The following NCBP3 variants were observed in gnomAD, a reference collection of about 807,000 sequenced individuals.
NCBP3 encodes the protein nuclear cap-binding protein subunit 3.
NCBP3 carries 20 observed loss-of-function variants against 75.7 expected under a neutral mutation model. The ratio of observed to expected loss-of-function variants is 0.26; its 90% confidence interval spans 0.19 to 0.38. NCBP3 has a LOEUF of 0.38. Among genes scored for constraint, NCBP3 ranks in the 10% least tolerant of loss-of-function variants. The pLI, the probability that NCBP3 is intolerant of heterozygous loss-of-function variation, is 1.00. For missense variants in NCBP3, 678 were observed against 796.9 expected (o/e 0.85, Z 1.80); for synonymous variants, 293 against 290.5 (o/e 1.01, Z -0.09).
intron 1 of NCBP3, among the ~76,000 whole-genome samples, chr17:3,844,516 A>T (rs1426639016): frequency 6.6e-6 from 1 of 152,198 alleles, no homozygotes; most frequent in Non-Finnish European, 1.5e-5. Flanking sequence ...AGCTTGATCA[A>T]GCACCTAGGG....
At chr17:3,833,594 C>T (rs554470292) in intron 3 of NCBP3, among the ~76,000 whole-genome samples, 19 of 151,940 alleles carry the variant, frequency 1.3e-4, no homozygotes, top group South Asian at 4.2e-4. Context: ...ATTGCTTGAG[C>T]CCAAGAGTTT....
chr17:3,843,024 G>T (rs762240817), intron 2 of NCBP3, 62 bp downstream of exon 2: 30 of 1,245,142 alleles, frequency 2.4e-5, no homozygotes, highest in Non-Finnish European at 3.3e-5. Flanking sequence ...ATGTCCTAGG[G>T]ATCAAATTCA....
chr17:3,832,439 G>A lies in NCBP3; in HGVS notation c.356-3071C>T, dbSNP rs1338254092. On this transcript the variant is annotated intron_variant, in intron 3 of 12. Transcript: ENST00000389005. ...ACAAGGTCAGATCGAGACCATCCTG[G>A]CCAACACGGTGAAACCCCGTCTCTA... 7.6e-5 allele frequency among the ~76,000 whole-genome samples: 9 copies of A among 117,894 alleles called. 3 individuals carry two copies. The highest frequency in any genetic ancestry group is 3.0e-4 in the South Asian group (1 of 3,296). 77.3% of individuals were successfully genotyped at this position (117,894 alleles called of 152,430 possible).
At chr17:3,836,084 G>T (rs2053967248) in intron 3 of NCBP3, among the ~76,000 whole-genome samples, 1 of 152,182 alleles carries the variant, frequency 6.6e-6, no homozygotes, top group Non-Finnish European at 1.5e-5. Flanking sequence ...AGAGCGACTG[G>T]CACATAGTAA....
At chr17:3,836,633 A>G (rs1386834127) in intron 3 of NCBP3, among the ~76,000 whole-genome samples, 1 of 149,414 alleles carries the variant, frequency 6.7e-6, no homozygotes, top group Admixed American at 6.7e-5. Context: ...AGCCTAGGCA[A>G]CAGAGTGAGA....
chr17:3,842,322 G>C (rs2054078854), intron 2 of NCBP3, among the ~76,000 whole-genome samples: 2 of 152,114 alleles, frequency 1.3e-5, no homozygotes, highest in African/African-American at 4.8e-5. Flanking sequence ...CTACTCAGGA[G>C]GCTGAGGCAG....
intron 1 of NCBP3, 43 bp downstream of exon 1, chr17:3,845,998 T>G: frequency 6.5e-7 from 1 of 1,528,518 alleles, no homozygotes; most frequent in African/African-American, 1.4e-5. Context: ...CGCTAGACAC[T>G]AGCCCCGCGA....
intron 1 of NCBP3, among the ~76,000 whole-genome samples, chr17:3,845,777 C>T (rs1237226419): frequency 6.6e-6 from 1 of 152,184 alleles, no homozygotes; most frequent in Non-Finnish European, 1.5e-5. Context: ...GAGGGGGCAG[C>T]GGAGGGGGGT....
chr17:3,845,901 G>A (rs778496082), intron 1 of NCBP3, 140 bp downstream of exon 1: 89 of 967,510 alleles, frequency 9.2e-5, no homozygotes, highest in Non-Finnish European at 1.2e-4. Context: ...CGGCGTTCCC[G>A]TTCCCAGGAC....
chr17:3,843,838 C>T (rs1784413615), intron 1 of NCBP3, among the ~76,000 whole-genome samples: 1 of 152,188 alleles, frequency 6.6e-6, no homozygotes, highest in African/African-American at 2.4e-5. Context: ...GCCACCACAC[C>T]TGGCAAGTCT....
In NCBP3 at chr17:3,818,516, C is replaced by G. The variant is rs1184946993; in HGVS notation, c.1057G>C (p.Glu353Gln). ...IEEEEEEEEE[E>Q]EEEEEEDQDM... Reference sequence around the variant, plus strand: ...TGGTCTTCTTCTTCCTCTTCCTCTTCCTCCTCCTCCTCCTCTTCCTCCTCT... The same window carrying G: ...TGGTCTTCTTCTTCCTCTTCCTCTTGCTCCTCCTCCTCCTCTTCCTCCTCT... The change falls in exon 10 of 13, where the codon GAA becomes CAA. Residue 353 changes from glutamate (E) to glutamine (Q), a missense_variant. By Grantham distance (29) the Glu-to-Gln change is conservative (BLOSUM62 2). This residue lies in a region of NCBP3 where 365 missense variants were observed against 392.7 expected (regional missense o/e 0.93). Coordinates refer to ENST00000389005, the MANE Select transcript of NCBP3 (RefSeq NM_001114118.3). This position sits in a 1 kb window ranked among gnomAD's most constrained non-coding sequence, Gnocchi z 4.7. 1.3e-6 allele frequency: 2 copies of G among 1,575,986 alleles called. No homozygotes were observed. Among genetic ancestry groups the G allele is most frequent in the Non-Finnish European group, 1.7e-6 (2 of 1,153,816 alleles).
chr17:3,816,019 G>T, intron 11 of NCBP3, 97 bp downstream of exon 11: 1 of 1,208,404 alleles, frequency 8.3e-7, no homozygotes. Context: ...AGCTAAATCA[G>T]TTCACACATC....
intron 11 of NCBP3, among the ~76,000 whole-genome samples, chr17:3,814,979 GCAA>G (rs542604575): frequency 1.1e-3 from 171 of 152,216 alleles, no homozygotes; most frequent in African/African-American, 4.0e-3. Flanking sequence ...AACCACCACA[GCAA>G]CAACAGAAAC....
chr17:3,844,866 G>A (rs1408100083), intron 1 of NCBP3, among the ~76,000 whole-genome samples: 3 of 152,174 alleles, frequency 2.0e-5, no homozygotes, highest in African/African-American at 7.2e-5. Flanking sequence ...CCCGGGAGGC[G>A]GAAGTTGCGG....
At chr17:3,822,231 G>A in intron 7 of NCBP3, 179 bp from the exon 8 acceptor site, 3 of 525,534 alleles carry the variant, frequency 5.7e-6, no homozygotes, top group East Asian at 3.1e-5. Flanking sequence ...AGTGTAGAGG[G>A]GATAAAGCAA....
rs373228247 is a variant in NCBP3 at position 3,812,421 on chromosome 17, G to C, written c.*623C>G. 47 of 740,970 alleles carry C rather than the reference G, an allele frequency of 6.3e-5. No individual in the cohort carries two copies. In the East Asian group the frequency reaches 6.5e-4, roughly 10 times the overall value. The allele number at this position is 740,970 out of a possible 1,614,324, so 45.9% of individuals were successfully genotyped here. ...GATCTTCACATCAAGCTGACAGCAC[G>C]TAAGAGGCCCATGCCATGAGCAATC... On this transcript the variant is annotated 3_prime_UTR_variant, in exon 13 of 13. Transcript: ENST00000389005.
At chr17:3,821,557 G>C (rs529916981) in intron 8 of NCBP3, among the ~76,000 whole-genome samples, 4 of 152,100 alleles carry the variant, frequency 2.6e-5, no homozygotes, top group African/African-American at 9.6e-5. Context: ...CGAGTAGGTG[G>C]GATTACAGGC....
At chr17:3,817,116 C>T (rs1029704720) in intron 10 of NCBP3, among the ~76,000 whole-genome samples, 1 of 152,134 alleles carries the variant, frequency 6.6e-6, no homozygotes, top group Non-Finnish European at 1.5e-5. Flanking sequence ...AAACATACTA[C>T]GTTACACAGA....
At chr17:3,841,602 CTTTTT>C (rs373561293) in intron 2 of NCBP3, among the ~76,000 whole-genome samples, 63 of 118,026 alleles carry the variant, frequency 5.3e-4, no homozygotes, top group African/African-American at 1.9e-3. Flanking sequence ...AATTCTCTCT[CTTTTT>C]TTTTTTTTTT....
Sources: allele counts gnomAD v4.1 joint callset (sites outside exome capture counted in the v4.1 genomes callset), GRCh38; gene constraint gnomAD v4.1.1; regional missense constraint gnomAD v4.1.1; non-coding constraint Gnocchi (gnomAD v3.1); transcripts MANE v1.5; gene names NCBI Gene and HGNC (gene_info 2026-07-23, HGNC 2026-07-21).